IQSEC1: variants seen among roughly 807,000 people sequenced by gnomAD.
The protein encoded by IQSEC1 is IQ motif and Sec7 domain ArfGEF 1, also known as IQ motif and SEC7 domain-containing protein 1.
Under a neutral mutation model 91.0 loss-of-function variants are expected in IQSEC1, and 31 were observed. The observed-to-expected ratio is 0.34, with a 90% confidence interval of 0.26 to 0.46. The LOEUF is 0.46. Among genes scored for constraint, IQSEC1 ranks in the 20% least tolerant of loss-of-function variants. The pLI, the probability that IQSEC1 is intolerant of heterozygous loss-of-function variation, is 1.00. For synonymous variants in IQSEC1, 699 were observed against 662.6 expected (o/e 1.05, Z -0.84); for missense variants, 1,388 against 1,575.6 (o/e 0.88, Z 2.02).
At chr3:12,933,132 G>A (rs1022076985) in intron 3 of IQSEC1, among the ~76,000 whole-genome samples, 4 of 152,206 alleles carry the variant, frequency 2.6e-5, no homozygotes, top group African/African-American at 7.2e-5. Context: ...ATACCACCCC[G>A]CAGGGAGAGA....
intron 1 of IQSEC1, among the ~76,000 whole-genome samples, chr3:12,963,056 G>T (rs531321873): frequency 6.6e-6 from 1 of 152,208 alleles, no homozygotes; most frequent in African/African-American, 2.4e-5. Flanking sequence ...CCAGGCAGGC[G>T]GAGTTCAAAC....
intron 1 of IQSEC1, among the ~76,000 whole-genome samples, chr3:13,174,978 C>T (rs778932555): frequency 6.6e-6 from 1 of 152,192 alleles, no homozygotes; most frequent in Non-Finnish European, 1.5e-5. Context: ...CTGCCCCAGG[C>T]ACACAGCATC....
chr3:13,007,135 A>G (rs2124880072), intron 1 of IQSEC1, among the ~76,000 whole-genome samples: 1 of 152,292 alleles, frequency 6.6e-6, no homozygotes, highest in East Asian at 1.9e-4. Flanking sequence ...AGTGCAGGAG[A>G]GGAAGCTGGC....
chr3:13,087,633 T>C (rs1210715013), intron 2 of IQSEC1, among the ~76,000 whole-genome samples: 1 of 152,234 alleles, frequency 6.6e-6, no homozygotes, highest in African/African-American at 2.4e-5. Context: ...AGTTTTTCTT[T>C]CACTACCACA....
intron 1 of IQSEC1, among the ~76,000 whole-genome samples, chr3:13,195,683 TG>T (rs34357265): frequency 6.6e-6 from 1 of 151,906 alleles, no homozygotes; most frequent in African/African-American, 2.4e-5. Context: ...ATTACAGAAA[TG>T]GGGTTGTGCA....
At chr3:12,993,410 G>C (rs1053546257) in intron 1 of IQSEC1, among the ~76,000 whole-genome samples, 3 of 152,034 alleles carry the variant, frequency 2.0e-5, no homozygotes, top group Non-Finnish European at 4.4e-5. Context: ...TCGCAGGCTC[G>C]GGACCCTGGA....
intron 1 of IQSEC1, chr3:12,986,889 T>C (rs372725243): frequency 7.5e-5 from 22 of 294,912 alleles, no homozygotes; most frequent in African/African-American, 4.1e-4. Context: ...CAGACCAAGA[T>C]AGAAGGAGCT....
intron 2 of IQSEC1, among the ~76,000 whole-genome samples, chr3:13,114,590 A>G (rs923672638): frequency 6.6e-6 from 1 of 152,096 alleles, no homozygotes; most frequent in South Asian, 2.1e-4. Flanking sequence ...CCAGGAGTTC[A>G]ATATCGGCCT....
intron 2 of IQSEC1, among the ~76,000 whole-genome samples, chr3:13,151,321 G>A (rs1706995757): frequency 6.6e-6 from 1 of 152,208 alleles, no homozygotes; most frequent in Non-Finnish European, 1.5e-5. Context: ...GCATGTTGTA[G>A]CAGAGTGTCA....
At chr3:13,276,158 G>A (rs1356088344) in intron 1 of IQSEC1, among the ~76,000 whole-genome samples, 2 of 125,772 alleles carry the variant, frequency 1.6e-5, no homozygotes, top group African/African-American at 3.0e-5. Flanking sequence ...GCGTGATCTC[G>A]GCTCACTGCA....
At chr3:13,132,720 C>CTT (rs1706639991) in intron 2 of IQSEC1, among the ~76,000 whole-genome samples, 1 of 152,226 alleles carries the variant, frequency 6.6e-6, no homozygotes, top group Non-Finnish European at 1.5e-5. Flanking sequence ...GTGTTGAAAA[C>CTT]TTGTTCCATG....
At chr3:13,190,705 C>A (rs1435894389) in intron 1 of IQSEC1, among the ~76,000 whole-genome samples, 1 of 152,178 alleles carries the variant, frequency 6.6e-6, no homozygotes, top group Non-Finnish European at 1.5e-5. Flanking sequence ...AGAATACAGG[C>A]TTTTCATGGA....
In IQSEC1 at chr3:13,016,558, C is replaced by T. The variant is rs567122668; in HGVS notation, c.23+56434G>A. On this transcript the variant is annotated intron_variant, in intron 1 of 13. Transcript: ENST00000613206. Reference sequence around the variant, plus strand: ...CCTGCCACCACGGGGACTGCTCCTCCCGCCCTCTCGACTCCTGCCAGCCTC... The same window carrying T: ...CCTGCCACCACGGGGACTGCTCCTCTCGCCCTCTCGACTCCTGCCAGCCTC... 1.6e-4 allele frequency among the ~76,000 whole-genome samples: 24 copies of T among 152,322 alleles called. No homozygotes were observed. The Middle Eastern group carries it at 0.01, about 65-fold the overall frequency.
rs1231806972 is a variant in IQSEC1, at chr3:13,282,097, A to C, written c.272+614T>G. 6.6e-6 allele frequency among the ~76,000 whole-genome samples: 1 copy of C among 152,126 alleles called. No homozygotes were observed. The highest frequency in any genetic ancestry group is 6.5e-5 in the Admixed American group (1 of 15,276). ...TGTACCTCTCCCCATCCCTCACTTA[A>C]TCCTGGGTCCGAAATAGCCCCGGGT... On this transcript the variant is annotated intron_variant, in intron 1 of 15. Coordinates refer to the IQSEC1 transcript ENST00000648114. The surrounding 1 kb of genome is among the most constrained non-coding windows in gnomAD (Gnocchi z 6.4).
At chr3:13,281,719 C>T (rs1695793157) in intron 1 of IQSEC1, among the ~76,000 whole-genome samples, 1 of 152,238 alleles carries the variant, frequency 6.6e-6, no homozygotes, top group African/African-American at 2.4e-5. Flanking sequence ...CATTTCCACC[C>T]TGGAAGGGCC....
At chr3:13,113,310 G>A (rs360742) in intron 2 of IQSEC1, among the ~76,000 whole-genome samples, 16,480 of 152,252 alleles carry the variant, frequency 0.11, 1,137 homozygotes, top group South Asian at 0.16. Context: ...ATATGGAAGA[G>A]GCAGCAGGTA....
intron 1 of IQSEC1, among the ~76,000 whole-genome samples, chr3:13,043,766 T>C (rs1031251226): frequency 5.9e-5 from 9 of 152,212 alleles, no homozygotes; most frequent in African/African-American, 2.2e-4. Flanking sequence ...TTGTATAGTG[T>C]GTGAAAGGCT....
chr3:13,087,161 AC>A (rs1250004047), intron 2 of IQSEC1, among the ~76,000 whole-genome samples: 3 of 152,238 alleles, frequency 2.0e-5, no homozygotes, highest in Non-Finnish European at 4.4e-5. Flanking sequence ...GTCTAAATCT[AC>A]ACTGGGTAAT....
intron 1 of IQSEC1, among the ~76,000 whole-genome samples, chr3:13,046,127 C>A (rs1704483402): frequency 6.6e-6 from 1 of 152,218 alleles, no homozygotes; most frequent in South Asian, 2.1e-4. Flanking sequence ...ATGTTCAAAT[C>A]CCGGCTCTGC....
Sources: allele counts gnomAD v4.1 joint callset (sites outside exome capture counted in the v4.1 genomes callset), GRCh38; gene constraint gnomAD v4.1.1; non-coding constraint Gnocchi (gnomAD v3.1); transcripts MANE v1.5; gene names NCBI Gene and HGNC (gene_info 2026-07-23, HGNC 2026-07-21).